Variants in B3GLCT observed in about 807,000 individuals in gnomAD.
B3GLCT encodes the protein beta 3-glucosyltransferase.
A neutral mutation model predicts 63.4 loss-of-function variants in B3GLCT; 65 were observed. The ratio of observed to expected loss-of-function variants is 1.03; its 90% CI spans 0.84 to 1.26. The LOEUF (loss-of-function observed/expected upper bound fraction) is 1.26. Among genes scored for constraint, B3GLCT ranks in the 50% most tolerant of loss-of-function variants. B3GLCT has a pLI of 0.00. For missense variants in B3GLCT, 577 were observed against 604.8 expected, an observed-to-expected ratio of 0.95 and a Z score of 0.48; for synonymous variants, 233 against 219.2, an observed-to-expected ratio of 1.06 and a Z score of -0.55.
intron 6 of B3GLCT, among the ~76,000 whole-genome samples, chr13:31,253,700 A>G (rs1339374379): frequency 1.3e-5 from 2 of 151,752 alleles, no homozygotes; most frequent in African/African-American, 4.8e-5. Context: ...ACTGAAGGAG[A>G]TAGAGATACA....
At chr13:31,321,130 A>G (rs1875310616) in intron 13 of B3GLCT, among the ~76,000 whole-genome samples, 1 of 152,254 alleles carries the variant, frequency 6.6e-6, no homozygotes, top group Non-Finnish European at 1.5e-5. Context: ...TTCAAGGTAC[A>G]GTGAATAAAT....
chr13:31,315,104 ATGCCTT>A (rs1874929941), intron 12 of B3GLCT, among the ~76,000 whole-genome samples: 2 of 152,224 alleles, frequency 1.3e-5, no homozygotes, highest in Non-Finnish European at 1.5e-5. Context: ...AGTCTTGAGT[ATGCCTT>A]TATCAGCAGC....
intron 6 of B3GLCT, among the ~76,000 whole-genome samples, chr13:31,256,214 A>T (rs1296315665): frequency 6.6e-6 from 1 of 152,260 alleles, no homozygotes; most frequent in Non-Finnish European, 1.5e-5. Context: ...GAGAAATGCA[A>T]ATCAAAATTA....
chr13:31,248,983 C>T (rs1296273892), intron 6 of B3GLCT, among the ~76,000 whole-genome samples: 2 of 152,178 alleles, frequency 1.3e-5, no homozygotes, highest in African/African-American at 4.8e-5. Context: ...AACCTGATCA[C>T]TTTTTGGAAT....
At chr13:31,233,245 C>G (rs1207597884) in intron 4 of B3GLCT, among the ~76,000 whole-genome samples, 1 of 152,006 alleles carries the variant, frequency 6.6e-6, no homozygotes, top group Admixed American at 6.6e-5. Flanking sequence ...TCAGTGAAAC[C>G]GCAGAGTTTA....
At chr13:31,324,712 C>G (rs1875518990) in intron 14 of B3GLCT, among the ~76,000 whole-genome samples, 1 of 151,762 alleles carries the variant, frequency 6.6e-6, no homozygotes, top group Non-Finnish European at 1.5e-5. Context: ...TTTTTTTATG[C>G]CTTATTTATT....
chr13:31,218,216 T>G (rs1173856483), intron 2 of B3GLCT, among the ~76,000 whole-genome samples: 6 of 141,952 alleles, frequency 4.2e-5, no homozygotes, highest in African/African-American at 1.1e-4. Context: ...TGAGATGGAG[T>G]CTCACTCTTA....
At chr13:31,325,295 A>T (rs185394653) in intron 14 of B3GLCT, among the ~76,000 whole-genome samples, 117 of 152,260 alleles carry the variant, frequency 7.7e-4, no homozygotes, top group African/African-American at 2.6e-3. Flanking sequence ...AAGCCTGTGT[A>T]TTGTGTTAGG....
intron 12 of B3GLCT, among the ~76,000 whole-genome samples, chr13:31,293,873 A>G (rs1043783257): frequency 6.6e-6 from 1 of 152,064 alleles, no homozygotes; most frequent in South Asian, 2.1e-4. Flanking sequence ...TTATTTTGCC[A>G]GTTAGTTGAT....
chr13:31,234,963 C>T (rs1459227656), intron 4 of B3GLCT, among the ~76,000 whole-genome samples: 1 of 152,102 alleles, frequency 6.6e-6, no homozygotes, highest in Non-Finnish European at 1.5e-5. Flanking sequence ...GGCGAGGAAC[C>T]TCATTCTAAG....
At chr13:31,309,673 C>A (rs1055290000) in intron 12 of B3GLCT, among the ~76,000 whole-genome samples, 6 of 152,036 alleles carry the variant, frequency 3.9e-5, no homozygotes, top group Non-Finnish European at 7.4e-5. Context: ...GAGTGTGGAG[C>A]TTCCTTGCCC....
chr13:31,246,966 T>TTA (rs1489650915), intron 4 of B3GLCT, 57 bp from the exon 5 acceptor site: 15 of 1,096,406 alleles, frequency 1.4e-5, no homozygotes, highest in Non-Finnish European at 1.9e-5. Flanking sequence ...TTTTTTTTTT[T>TTA]ACTTTTTTTC....
intron 12 of B3GLCT, among the ~76,000 whole-genome samples, chr13:31,316,624 A>G (rs959890987): frequency 7.9e-5 from 12 of 151,278 alleles, no homozygotes; most frequent in African/African-American, 2.9e-4. Context: ...TACCCCCTGT[A>G]TCCCCATTGT....
At chr13:31,217,544 G>A (rs142835064) in intron 2 of B3GLCT, among the ~76,000 whole-genome samples, 2 of 152,158 alleles carry the variant, frequency 1.3e-5, no homozygotes, top group African/African-American at 4.8e-5. Context: ...TATTTCCTAT[G>A]TTTTCTTGTA....
intron 7 of B3GLCT, among the ~76,000 whole-genome samples, chr13:31,264,348 C>A (rs1035625220): frequency 1.3e-5 from 2 of 152,164 alleles, no homozygotes; most frequent in African/African-American, 4.8e-5. Flanking sequence ...AGGAGTGAGG[C>A]ACCAGATAGC....
chr13:31,297,029 T>TC (rs1442354422), intron 12 of B3GLCT, among the ~76,000 whole-genome samples: 1 of 152,110 alleles, frequency 6.6e-6, no homozygotes, highest in Non-Finnish European at 1.5e-5. Context: ...GTACTTGTTT[T>TC]TTTTTTTTGT....
intron 3 of B3GLCT, among the ~76,000 whole-genome samples, chr13:31,224,362 T>G (rs951318736): frequency 6.6e-6 from 1 of 152,174 alleles, no homozygotes; most frequent in Non-Finnish European, 1.5e-5. Context: ...GTCTGGAACA[T>G]GGGCTTGAAA....
chr13:31,276,608 G>T, intron 9 of B3GLCT, 94 bp from the exon 10 acceptor site: 1 of 818,440 alleles, frequency 1.2e-6, no homozygotes, highest in Non-Finnish European at 2.1e-6. Context: ...CTTGACATTG[G>T]TTAATTTGAA....
At chr13:31,259,651 T>C (rs1262042599) in intron 6 of B3GLCT, among the ~76,000 whole-genome samples, 2 of 151,740 alleles carry the variant, frequency 1.3e-5, no homozygotes, top group African/African-American at 4.8e-5. Context: ...AGCTCCAGAC[T>C]CCGCCTTTCA....
Sources: allele counts gnomAD v4.1 joint callset (sites outside exome capture counted in the v4.1 genomes callset), GRCh38; gene constraint gnomAD v4.1.1; transcripts MANE v1.5; gene names NCBI Gene and HGNC (gene_info 2026-07-23, HGNC 2026-07-21).